The following RGS7BP variants were observed in gnomAD, a reference collection of about 807,000 sequenced individuals.
The protein encoded by RGS7BP is regulator of G protein signaling 7 binding protein.
In RGS7BP, 9 loss-of-function variants were observed where a neutral mutation model predicts 31.3. That is an observed-to-expected ratio of 0.29 (90% CI 0.17 to 0.50). The LOEUF (loss-of-function observed/expected upper bound fraction) is 0.50. Among genes scored for constraint, RGS7BP ranks in the 20% least tolerant of loss-of-function variants. The pLI, the probability that RGS7BP is intolerant of heterozygous loss-of-function variation, is 0.98. For synonymous variants in RGS7BP, 115 were observed against 120.1 expected (o/e 0.96, Z 0.28); for missense variants, 274 against 322.0 (o/e 0.85, Z 1.14).
intron 5 of RGS7BP, among the ~76,000 whole-genome samples, chr5:64,607,800 G>A (rs552673528): frequency 2.6e-5 from 4 of 151,866 alleles, no homozygotes; most frequent in Middle Eastern, 3.4e-3. Flanking sequence ...TTCCCAACAT[G>A]GCCTGAACTA....
intron 3 of RGS7BP, among the ~76,000 whole-genome samples, chr5:64,594,115 C>T (rs76702682): frequency 0.13 from 19,596 of 152,130 alleles, 1,670 homozygotes; most frequent in Middle Eastern, 0.32. Context: ...TTTGAGTTGA[C>T]GGTGTTTTAT....
intron 2 of RGS7BP, among the ~76,000 whole-genome samples, chr5:64,528,677 G>T (rs1416081906): frequency 1.3e-5 from 2 of 151,940 alleles, no homozygotes; most frequent in African/African-American, 4.8e-5. Context: ...TGGGTGTGGT[G>T]ATGCGAGCCT....
At chr5:64,566,085 A>G (rs566535391) in intron 2 of RGS7BP, among the ~76,000 whole-genome samples, 21 of 152,146 alleles carry the variant, frequency 1.4e-4, no homozygotes, top group African/African-American at 5.1e-4. Flanking sequence ...TAAATTCATC[A>G]TATCAACTAA....
chr5:64,524,942 T>C (rs1749195409), intron 2 of RGS7BP, among the ~76,000 whole-genome samples: 1 of 152,056 alleles, frequency 6.6e-6, no homozygotes, highest in African/African-American at 2.4e-5. Flanking sequence ...GAAATGTGAG[T>C]TGGCCTCTCC....
intron 2 of RGS7BP, among the ~76,000 whole-genome samples, chr5:64,554,520 C>A (rs1741876807): frequency 6.6e-6 from 1 of 152,158 alleles, no homozygotes; most frequent in South Asian, 2.1e-4. Context: ...AAATGTACCA[C>A]CAGCCCAAGA....
chr5:64,540,249 C>T (rs987001811), intron 2 of RGS7BP, among the ~76,000 whole-genome samples: 1 of 152,010 alleles, frequency 6.6e-6, no homozygotes, highest in African/African-American at 2.4e-5. Flanking sequence ...AAATTACATC[C>T]TCAAGTATAT....
At chr5:64,518,807 C>T (rs1187716431) in intron 2 of RGS7BP, among the ~76,000 whole-genome samples, 1 of 152,056 alleles carries the variant, frequency 6.6e-6, no homozygotes, top group East Asian at 1.9e-4. Context: ...TTCTGTAGTT[C>T]TCTGGGGCTT....
chr5:64,603,742 G>A (rs919056636), intron 5 of RGS7BP, among the ~76,000 whole-genome samples: 2 of 152,148 alleles, frequency 1.3e-5, no homozygotes, highest in African/African-American at 4.8e-5. Context: ...CTAAGGAGGA[G>A]GGGAAGTGAA....
At chr5:64,577,370 A>G (rs1289859747) in intron 3 of RGS7BP, among the ~76,000 whole-genome samples, 2 of 152,160 alleles carry the variant, frequency 1.3e-5, no homozygotes, top group African/African-American at 2.4e-5. Flanking sequence ...TGAACCTGGG[A>G]GGCGGAGCTT....
rs566590103 is a variant in RGS7BP, at chr5:64,586,983, G to A, written c.464-7727G>A. Among the ~76,000 whole-genome samples, 378 of 152,278 alleles carry A rather than the reference G, an allele frequency of 2.5e-3. 2 individuals are homozygous for A. Among genetic ancestry groups the A allele is most frequent in the African/African-American group, 8.9e-3 (368 of 41,568 alleles). On this transcript the variant is annotated intron_variant, in intron 3 of 5. Coordinates refer to ENST00000334025, the MANE Select transcript of RGS7BP (RefSeq NM_001029875.3). ...GACAATACCAAATCTCAGTGGATTA[G>A]AACAATAAAAGTTCATTATTCACTG...
intron 2 of RGS7BP, among the ~76,000 whole-genome samples, chr5:64,544,773 G>A (rs16892825): frequency 0.039 from 5,919 of 152,216 alleles, 402 homozygotes; most frequent in African/African-American, 0.14. Flanking sequence ...AAAGGCTCTG[G>A]GATGCAATAA....
chr5:64,512,931 C>T (rs573247838), intron 2 of RGS7BP, among the ~76,000 whole-genome samples: 1 of 152,228 alleles, frequency 6.6e-6, no homozygotes, highest in African/African-American at 2.4e-5. Flanking sequence ...AATCTTTTGG[C>T]CTAGTTCTGG....
rs1208749414 is a variant in RGS7BP at position 64,611,660 on chromosome 5, G to C, written c.*2408G>C. 1 of 152,208 alleles carries C rather than the reference G, an allele frequency of 6.6e-6. No individual in the cohort carries two copies. Among genetic ancestry groups the C allele is most frequent in the East Asian group, 1.9e-4 (1 of 5,156 alleles). 9.4% of individuals were successfully genotyped at this position (152,208 alleles called of 1,614,324 possible). ...TCATAGTGCCTGTTTTCCAGCCTTT[G>C]ATCAGTTTTGTAGTTCCCGTGGATA... On this transcript the variant is annotated 3_prime_UTR_variant, in exon 6 of 6. Transcript: ENST00000334025.
intron 2 of RGS7BP, among the ~76,000 whole-genome samples, chr5:64,574,276 ATG>A (rs146397186): frequency 6.6e-6 from 1 of 151,118 alleles, no homozygotes; most frequent in Non-Finnish European, 1.5e-5. Context: ...AGGGGTGTGT[ATG>A]TGTGTGTGTG....
chr5:64,571,860 G>A (rs1742307724), intron 2 of RGS7BP, among the ~76,000 whole-genome samples: 1 of 152,088 alleles, frequency 6.6e-6, no homozygotes, highest in Non-Finnish European at 1.5e-5. Context: ...GAACTCTAAA[G>A]CACTGAAATT....
chr5:64,562,810 G>A (rs1018190643), intron 2 of RGS7BP, among the ~76,000 whole-genome samples: 11 of 152,220 alleles, frequency 7.2e-5, no homozygotes, highest in East Asian at 3.9e-4. Flanking sequence ...CTTCCACACC[G>A]TCAGCCTTGA....
intron 2 of RGS7BP, among the ~76,000 whole-genome samples, chr5:64,527,718 A>G (rs879721095): frequency 4.6e-5 from 7 of 152,076 alleles, no homozygotes; most frequent in African/African-American, 1.2e-4. Flanking sequence ...TACAGTACAA[A>G]CATAAAAAAT....
At chr5:64,598,541 G>A (rs1743136536) in intron 5 of RGS7BP, 106 bp downstream of exon 5, 1 of 752,134 alleles carries the variant, frequency 1.3e-6, no homozygotes. Context: ...ACAGTAGAAG[G>A]CATTGAGCAT....
chr5:64,548,551 C>A (rs1203338864), intron 2 of RGS7BP, among the ~76,000 whole-genome samples: 1 of 152,082 alleles, frequency 6.6e-6, no homozygotes, highest in East Asian at 1.9e-4. Context: ...GCTCTGTCAC[C>A]CAGGCTGGAG....
Sources: gnomAD v4.1 joint callset for allele counts (sites outside exome capture counted in the v4.1 genomes callset) on GRCh38, gnomAD v4.1.1 for gene constraint, MANE v1.5 for transcripts, NCBI Gene and HGNC (gene_info 2026-07-23, HGNC 2026-07-21) for gene names.